SHISA9: variants seen among roughly 807,000 people sequenced by gnomAD.
SHISA9 encodes the protein shisa family member 9.
A neutral mutation model predicts 38.0 loss-of-function variants in SHISA9; 13 were observed. The observed-to-expected ratio is 0.34, with a 90% CI of 0.22 to 0.54. The LOEUF is 0.54. Among genes scored for constraint, SHISA9 ranks in the 20% least tolerant of loss-of-function variants. The pLI, the probability that SHISA9 is intolerant of heterozygous loss-of-function variation, is 0.91. For missense variants in SHISA9, 538 were observed against 575.8 expected, an observed-to-expected ratio of 0.93 and a Z score of 0.67; for synonymous variants, 275 against 242.0, an observed-to-expected ratio of 1.14 and a Z score of -1.27.
intron 2 of SHISA9, among the ~76,000 whole-genome samples, chr16:13,177,283 C>G (rs1314250161): frequency 6.6e-6 from 1 of 152,140 alleles, no homozygotes; most frequent in Non-Finnish European, 1.5e-5. Context: ...AGAAACAAAA[C>G]CTAGCTCAGC....
At chr16:13,268,850 A>G in the SHISA9 span, among the ~76,000 whole-genome samples, 2 of 152,172 alleles carry the variant, frequency 1.3e-5, no homozygotes, top group Non-Finnish European at 2.9e-5. Flanking sequence ...TGCTGAGTAC[A>G]TATTACGTGT....
chr16:13,287,044 A>T, the SHISA9 span, among the ~76,000 whole-genome samples: 5 of 152,324 alleles, frequency 3.3e-5, no homozygotes, highest in African/African-American at 1.2e-4. Flanking sequence ...TTGATTAAGT[A>T]TCCACAACAG....
Position 12,956,594 on chromosome 16 carries a change from G to A in SHISA9, c.691+39779G>A, listed in dbSNP as rs567055848. 2.0e-5 allele frequency among the ~76,000 whole-genome samples: 3 copies of A among 152,274 alleles called. No individual in the cohort carries two copies. The South Asian group carries it at 6.2e-4, about 32-fold the overall frequency. ...TGCAGCAACATGTATGCAGCTGGAG[G>A]CCATTTGTCCCAAGTGAATTAACTC... On this transcript the variant is annotated intron_variant, in intron 2 of 4. Transcript: ENST00000558583.
intron 2 of SHISA9, among the ~76,000 whole-genome samples, chr16:13,130,625 A>C (rs1252135143): frequency 6.6e-6 from 1 of 152,110 alleles, no homozygotes; most frequent in East Asian, 1.9e-4. Flanking sequence ...TTTTATTTTC[A>C]TAGGTTTAAA....
At chr16:12,913,300 A>G (rs981857357) in intron 1 of SHISA9, among the ~76,000 whole-genome samples, 3 of 152,144 alleles carry the variant, frequency 2.0e-5, no homozygotes, top group Admixed American at 2.0e-4. Flanking sequence ...GGGTTCAAGC[A>G]ATTCTCCTGC....
At chr16:13,081,782 G>A (rs1416553243) in intron 2 of SHISA9, among the ~76,000 whole-genome samples, 3 of 151,404 alleles carry the variant, frequency 2.0e-5, no homozygotes, top group Non-Finnish European at 4.4e-5. Context: ...AACCCGGGAG[G>A]CAGAGGTTGC....
chr16:13,190,034 A>G (rs2050867702), intron 2 of SHISA9, among the ~76,000 whole-genome samples: 1 of 151,562 alleles, frequency 6.6e-6, no homozygotes, highest in Non-Finnish European at 1.5e-5. Context: ...ATAGTATCTC[A>G]TTAAATTGGA....
At chr16:13,195,551 G>A (rs545643669) in intron 2 of SHISA9, among the ~76,000 whole-genome samples, 2 of 152,066 alleles carry the variant, frequency 1.3e-5, no homozygotes, top group East Asian at 1.9e-4. Flanking sequence ...CCTTAGATAC[G>A]GTGTGAATGG....
At chr16:13,080,858 G>A (rs76633419) in intron 2 of SHISA9, among the ~76,000 whole-genome samples, 3,191 of 152,298 alleles carry the variant, frequency 0.021, 51 homozygotes, top group Admixed American at 0.047. Flanking sequence ...CTGGGAAGTC[G>A]AAGGACGAAG....
the SHISA9 span, among the ~76,000 whole-genome samples, chr16:13,285,846 A>G: frequency 6.6e-6 from 1 of 152,078 alleles, no homozygotes; most frequent in African/African-American, 2.4e-5. Context: ...ATCAGAGGAT[A>G]CTGGTGGTTC....
At chr16:13,263,270 T>A in the SHISA9 span, among the ~76,000 whole-genome samples, 5 of 152,174 alleles carry the variant, frequency 3.3e-5, no homozygotes, top group Non-Finnish European at 7.4e-5. Flanking sequence ...TTGTCAGTGA[T>A]ATGGTTTGGG....
the SHISA9 span, among the ~76,000 whole-genome samples, chr16:13,262,842 A>T: frequency 1.3e-5 from 2 of 152,202 alleles, no homozygotes; most frequent in South Asian, 4.1e-4. Flanking sequence ...CAGTTGAGAG[A>T]TATAAAGCTA....
intron 2 of SHISA9, among the ~76,000 whole-genome samples, chr16:12,973,100 A>G (rs944489058): frequency 6.6e-6 from 1 of 152,196 alleles, no homozygotes; most frequent in Non-Finnish European, 1.5e-5. Flanking sequence ...TGGGCAACAG[A>G]GCAAGATTCC....
chr16:13,307,072 T>C, the SHISA9 span, among the ~76,000 whole-genome samples: 2 of 152,232 alleles, frequency 1.3e-5, no homozygotes, highest in African/African-American at 4.8e-5. Context: ...AGGCTTTGCA[T>C]AGACTCAGGC....
intron 2 of SHISA9, among the ~76,000 whole-genome samples, chr16:13,027,085 A>C (rs1211654866): frequency 6.6e-6 from 1 of 152,174 alleles, no homozygotes; most frequent in African/African-American, 2.4e-5. Flanking sequence ...TAGCCCATTT[A>C]CTGAACAACG....
chr16:13,063,944 C>T (rs1008193395), intron 2 of SHISA9, among the ~76,000 whole-genome samples: 4 of 152,214 alleles, frequency 2.6e-5, no homozygotes, highest in African/African-American at 9.7e-5. Flanking sequence ...CTTGGCTCTG[C>T]CCTACCAAGG....
intron 2 of SHISA9, among the ~76,000 whole-genome samples, chr16:12,919,471 C>T (rs979550142): frequency 6.6e-6 from 1 of 152,178 alleles, no homozygotes; most frequent in Non-Finnish European, 1.5e-5. Flanking sequence ...ATTCAATCAC[C>T]CACTCAACAT....
chr16:13,144,491 G>A (rs1455941408), intron 2 of SHISA9, among the ~76,000 whole-genome samples: 1 of 152,054 alleles, frequency 6.6e-6, no homozygotes, highest in Admixed American at 6.6e-5. Flanking sequence ...GCTCTGGTGT[G>A]CATCTTGTAT....
the SHISA9 span, among the ~76,000 whole-genome samples, chr16:13,544,926 G>C: frequency 1.3e-5 from 2 of 152,118 alleles, no homozygotes; most frequent in Non-Finnish European, 2.9e-5. Flanking sequence ...CTGGGTGACA[G>C]AGTGAGACTC....
Sources: gnomAD v4.1 joint callset for allele counts (sites outside exome capture counted in the v4.1 genomes callset) on GRCh38, gnomAD v4.1.1 for gene constraint, MANE v1.5 for transcripts, NCBI Gene and HGNC (gene_info 2026-07-23, HGNC 2026-07-21) for gene names.